Variants in ADH1C observed in about 807,000 individuals in gnomAD.
The protein encoded by ADH1C is alcohol dehydrogenase 1C.
A neutral mutation model predicts 35.0 loss-of-function variants in ADH1C; 26 were observed. That is an observed-to-expected ratio of 0.74 (90% confidence interval 0.54 to 1.03). ADH1C has a LOEUF of 1.03. ADH1C is among the 50% of genes least tolerant of loss of function. The probability of loss-of-function intolerance (pLI) is 0.00; values close to 1 mark genes in which losing one functional copy is unlikely to be tolerated. For missense variants in ADH1C, 413 were observed against 465.4 expected (o/e 0.89, Z 1.04); for synonymous variants, 170 against 169.3 (o/e 1.00, Z -0.03).
intron 3 of ADH1C, among the ~76,000 whole-genome samples, chr4:99,346,260 A>C (rs561144132): frequency 1.3e-5 from 2 of 152,244 alleles, no homozygotes; most frequent in Admixed American, 1.3e-4. Flanking sequence ...ATGGTATGGA[A>C]ATGTCCTAGT....
At chr4:99,345,106 A>T (rs1734500713) in intron 4 of ADH1C, 25 bp from the exon 5 acceptor site, 1 of 1,614,066 alleles carries the variant, frequency 6.2e-7, no homozygotes, top group African/African-American at 1.3e-5. Context: ...ACAAAGACAC[A>T]CAAAGGCATG....
At chr4:99,342,020 A>C (rs1435944453) in intron 6 of ADH1C, among the ~76,000 whole-genome samples, 1 of 151,318 alleles carries the variant, frequency 6.6e-6, no homozygotes, top group Admixed American at 6.6e-5. Context: ...CAAAAAAAAA[A>C]AAAAAATAAA....
intron 3 of ADH1C, among the ~76,000 whole-genome samples, chr4:99,346,548 A>G (rs1734533350): frequency 6.6e-6 from 1 of 152,134 alleles, no homozygotes; most frequent in Admixed American, 6.5e-5. Flanking sequence ...AGGAAAGGTC[A>G]TGTTTCTTCA....
rs533708228 is a variant in ADH1C, at chr4:99,336,632, G to A, written c.*120C>T. 1.4e-5 allele frequency: 17 copies of A among 1,238,634 alleles called. No homozygotes were observed. Among genetic ancestry groups the A allele is most frequent in the African/African-American group, 3.0e-5 (2 of 65,934 alleles). 76.7% of individuals were successfully genotyped at this position (1,238,634 alleles called of 1,614,324 possible). A position where few individuals can be genotyped will look rare whatever the true frequency, so the allele number is the denominator to read the frequency against. On this transcript the variant is annotated 3_prime_UTR_variant, in exon 9 of 9. Coordinates refer to ENST00000515683, the MANE Select transcript of ADH1C (RefSeq NM_000669.5). ...TTCCATTTCTTTGGAAAGCTCCCAC[G>A]TGTAATTTATTTTTAACATCTCTGA...
At chr4:99,344,757 C>T in intron 5 of ADH1C, 105 bp downstream of exon 5, 1 of 1,465,550 alleles carries the variant, frequency 6.8e-7, no homozygotes, top group South Asian at 1.2e-5. Context: ...TTAATCGACA[C>T]TTCAAATCTA....
At chr4:99,339,883 C>CA (rs3216150) in intron 7 of ADH1C, among the ~76,000 whole-genome samples, 168 bp from the exon 8 acceptor site, 47,216 of 151,806 alleles carry the variant, frequency 0.31, 8,806 homozygotes, top group Non-Finnish European at 0.41. Context: ...AGTGCTTTCA[C>CA]AAAAAAAATC....
chr4:99,351,743 T>C (rs1177817565), intron 1 of ADH1C, among the ~76,000 whole-genome samples: 1 of 152,162 alleles, frequency 6.6e-6, no homozygotes, highest in Non-Finnish European at 1.5e-5. Flanking sequence ...TGAATTATCA[T>C]AGTGAGGTGT....
In ADH1C at chr4:99,342,668, A is replaced by G. The variant is rs1030367823; in HGVS notation, c.828+127T>C. ...AATAAATTAAACAAGCCAGGTAACAAAAAGATGACGGGAAATTTCCATTCA... is the reference window on the plus strand; with the variant it reads ...AATAAATTAAACAAGCCAGGTAACAGAAAGATGACGGGAAATTTCCATTCA... On this transcript the variant is annotated intron_variant, in intron 6 of 8. Coordinates refer to ENST00000515683, the MANE Select transcript of ADH1C (RefSeq NM_000669.5). 6 of 1,464,994 alleles carry G rather than the reference A, an allele frequency of 4.1e-6. No homozygotes were observed. The Admixed American group carries it at 1.2e-4, about 30-fold the overall frequency. The allele number at this position is 1,464,994 out of a possible 1,614,324, so 90.7% of individuals were successfully genotyped here. A position where few individuals can be genotyped will look rare whatever the true frequency, so the allele number is the denominator to read the frequency against.
rs559188661 is a variant in ADH1C at position 99,338,575 on chromosome 4, T to C, written c.1103+1002A>G. The stretch of plus-strand genomic sequence containing the variant: ...GACCAAGTCATGCCTTCTCTGCTTC[T>C]TAGTTTTCTCTTCTCTAAGATAATG... On this transcript the variant is annotated intron_variant, in intron 8 of 8. Transcript: ENST00000515683. Among the ~76,000 whole-genome samples, 26 of 149,818 alleles carry C rather than the reference T, an allele frequency of 1.7e-4. 2 individuals carry two copies. The South Asian group carries it at 5.2e-3, about 30-fold the overall frequency.
intron 7 of ADH1C, 96 bp downstream of exon 7, chr4:99,340,479 T>C: frequency 7.2e-7 from 1 of 1,395,106 alleles, no homozygotes. Context: ...AATTTATTTT[T>C]AATTTCATTG....
At chr4:99,349,916 A>G (rs1734636339) in intron 1 of ADH1C, among the ~76,000 whole-genome samples, 1 of 152,200 alleles carries the variant, frequency 6.6e-6, no homozygotes, top group Non-Finnish European at 1.5e-5. Context: ...TGTCCTTAAA[A>G]ATAAAAGCTG....
chr4:99,347,268 A>G, intron 2 of ADH1C, 124 bp from the exon 3 acceptor site: 1 of 1,180,446 alleles, frequency 8.5e-7, no homozygotes, highest in Non-Finnish European at 1.2e-6. Context: ...GATAATCCCT[A>G]CTATTCCCAA....
At chr4:99,346,221 A>G (rs972072367) in intron 3 of ADH1C, among the ~76,000 whole-genome samples, 2 of 152,130 alleles carry the variant, frequency 1.3e-5, no homozygotes, top group African/African-American at 2.4e-5. Flanking sequence ...GGTGCATAAC[A>G]TTTTATGGGT....
At chr4:99,340,763 C>A (rs556368995) in intron 6 of ADH1C, 53 bp from the exon 7 acceptor site, 2 of 1,607,900 alleles carry the variant, frequency 1.2e-6, no homozygotes, top group Non-Finnish European at 1.7e-6. Flanking sequence ...ATAGTTCATA[C>A]TCATAATGCA....
At chr4:99,346,966 T>C (rs1358128656) in intron 3 of ADH1C, 40 bp downstream of exon 3, 2 of 1,600,686 alleles carry the variant, frequency 1.2e-6, no homozygotes, top group African/African-American at 1.3e-5. Flanking sequence ...AATCTTGTGA[T>C]GGTGAACCAA....
intron 7 of ADH1C, among the ~76,000 whole-genome samples, chr4:99,340,069 G>C (rs749539631): frequency 6.6e-6 from 1 of 152,152 alleles, no homozygotes; most frequent in Non-Finnish European, 1.5e-5. Context: ...GCAGTCACAA[G>C]TACAAAAAGA....
At chr4:99,350,917 C>G (rs1734661745) in intron 1 of ADH1C, 1 of 152,204 alleles carries the variant, frequency 6.6e-6, no homozygotes, top group Non-Finnish European at 1.5e-5. Context: ...GTGGGCGGAT[C>G]ACCTGAAGTC....
At position 99,336,633 on chromosome 4, in the gene ADH1C, T is replaced by G; in HGVS notation, c.*119A>C. The G allele has an allele frequency of 8.1e-7, 1 of 1,238,950 alleles. No individual in the cohort carries two copies. Among genetic ancestry groups the G allele is most frequent in the Non-Finnish European group, 1.2e-6 (1 of 864,588 alleles). The allele number at this position is 1,238,950 out of a possible 1,614,324, so 76.7% of individuals were successfully genotyped here. A position where few individuals can be genotyped will look rare whatever the true frequency, so the allele number is the denominator to read the frequency against. ...TCCATTTCTTTGGAAAGCTCCCACG[T>G]GTAATTTATTTTTAACATCTCTGAA... On this transcript the variant is annotated 3_prime_UTR_variant, in exon 9 of 9. Coordinates refer to ENST00000515683, the MANE Select transcript of ADH1C (RefSeq NM_000669.5).
intron 8 of ADH1C, 38 bp downstream of exon 8, chr4:99,339,539 G>T (rs749210794): frequency 4.1e-5 from 49 of 1,180,998 alleles, no homozygotes; most frequent in South Asian, 1.0e-4. Flanking sequence ...CGCTACTGTA[G>T]AATACAAAGC....
Sources: allele counts gnomAD v4.1 joint callset (sites outside exome capture counted in the v4.1 genomes callset), GRCh38; gene constraint gnomAD v4.1.1; transcripts MANE v1.5; gene names NCBI Gene and HGNC (gene_info 2026-07-23, HGNC 2026-07-21).